The following AKAP13 variants were observed in gnomAD, a reference collection of about 807,000 sequenced individuals.
The protein encoded by AKAP13 is A-kinase anchor protein 13.
Under a neutral mutation model 264.5 loss-of-function variants are expected in AKAP13, and 80 were observed. That is an observed-to-expected ratio of 0.30 (90% CI 0.25 to 0.36). AKAP13 has a LOEUF of 0.36. Among genes scored for constraint, AKAP13 ranks in the 10% least tolerant of loss-of-function variants. The pLI is 1.00. For missense variants in AKAP13, 3,712 were observed against 3,435.2 expected, an observed-to-expected ratio of 1.08 and a Z score of -2.01; for synonymous variants, 1,380 against 1,250.2, an observed-to-expected ratio of 1.10 and a Z score of -2.19.
intron 8 of AKAP13, among the ~76,000 whole-genome samples, chr15:85,622,098 A>G (rs1159096943): frequency 2.6e-5 from 4 of 152,232 alleles, no homozygotes; most frequent in African/African-American, 9.6e-5. Context: ...AAAGAAACCT[A>G]AGTACCTATC....
At chr15:85,613,691 A>AATATAT (rs751538813) in intron 8 of AKAP13, among the ~76,000 whole-genome samples, 3 of 91,968 alleles carry the variant, frequency 3.3e-5, no homozygotes, top group African/African-American at 4.6e-5. Context: ...AAAAAAAAAA[A>AATATAT]ATATATATAT....
chr15:85,391,325 GATA>G (rs369481956), intron 1 of AKAP13, among the ~76,000 whole-genome samples: 26 of 152,310 alleles, frequency 1.7e-4, no homozygotes, highest in African/African-American at 4.8e-4. Flanking sequence ...ATAGTGGAAA[GATA>G]ATGACGTTTT....
At chr15:85,413,728 A>C (rs2072096737) in intron 1 of AKAP13, among the ~76,000 whole-genome samples, 1 of 152,080 alleles carries the variant, frequency 6.6e-6, no homozygotes, top group Admixed American at 6.6e-5. Context: ...CCTTGTTAGG[A>C]TTCTTAGCAC....
At chr15:85,701,303 C>T (rs1000145793) in intron 17 of AKAP13, 2 of 152,030 alleles carry the variant, frequency 1.3e-5, no homozygotes, top group African/African-American at 4.8e-5. Flanking sequence ...TCGGTGGGGA[C>T]AGGGGTCATA....
chr15:85,672,593 C>G (rs1405856385), intron 14 of AKAP13, among the ~76,000 whole-genome samples: 1 of 152,070 alleles, frequency 6.6e-6, no homozygotes, highest in Non-Finnish European at 1.5e-5. Context: ...AAATAAAATC[C>G]TCAGTGATTT....
At chr15:85,592,779 C>A (rs1567144757) in intron 8 of AKAP13, among the ~76,000 whole-genome samples, 1 of 152,002 alleles carries the variant, frequency 6.6e-6, no homozygotes, top group Non-Finnish European at 1.5e-5. Flanking sequence ...ATTTTTAATA[C>A]AATTGTGGAA....
At chr15:85,706,337 A>C (rs2086254779) in intron 17 of AKAP13, among the ~76,000 whole-genome samples, 2 of 152,244 alleles carry the variant, frequency 1.3e-5, no homozygotes, top group South Asian at 4.1e-4. Flanking sequence ...GGCTTACTAG[A>C]AAATAAATAA....
At chr15:85,606,574 T>C (rs1294734479) in intron 8 of AKAP13, among the ~76,000 whole-genome samples, 1 of 152,242 alleles carries the variant, frequency 6.6e-6, no homozygotes, top group Non-Finnish European at 1.5e-5. Context: ...TGATAATTGA[T>C]GGATGAGTGC....
chr15:85,475,535 T>G (rs751658011), intron 1 of AKAP13, among the ~76,000 whole-genome samples: 1 of 152,214 alleles, frequency 6.6e-6, no homozygotes, highest in African/African-American at 2.4e-5. Context: ...AACCATCATG[T>G]GGGATCCTAA....
chr15:85,533,264 A>G (rs2077296928), intron 3 of AKAP13, among the ~76,000 whole-genome samples: 1 of 152,192 alleles, frequency 6.6e-6, no homozygotes, highest in Non-Finnish European at 1.5e-5. Flanking sequence ...TTCATTCTTA[A>G]ATATGTTCAA....
At chr15:85,712,498 T>A (rs2086682886) in intron 19 of AKAP13, among the ~76,000 whole-genome samples, 1 of 152,202 alleles carries the variant, frequency 6.6e-6, no homozygotes, top group Non-Finnish European at 1.5e-5. Flanking sequence ...AACAAATGCC[T>A]ATTATGTGCA....
At chr15:85,664,410 A>G (rs1202171769) in intron 12 of AKAP13, among the ~76,000 whole-genome samples, 153 bp from the exon 13 acceptor site, 1 of 152,210 alleles carries the variant, frequency 6.6e-6, no homozygotes, top group African/African-American at 2.4e-5. Flanking sequence ...AAAGGTAGGT[A>G]GTATTCTTTG....
chr15:85,629,814 G>T, intron 8 of AKAP13, among the ~76,000 whole-genome samples: 1 of 105,928 alleles, frequency 9.4e-6, no homozygotes, highest in African/African-American at 3.6e-5. Flanking sequence ...GTGTCTGGCT[G>T]TGTCACCCAG....
At position 85,727,750 on chromosome 15, in the gene AKAP13, T is replaced by A. The variant is rs894958666; in HGVS notation, c.7087+287T>A. ...CAAACCTCATGACATTCTCTGTACT[T>A]TGTCACAGGCGAATTTGCCAAAATT... On this transcript the variant is annotated intron_variant, in intron 29 of 36. Coordinates refer to ENST00000394518, the MANE Select transcript of AKAP13 (RefSeq NM_007200.5). This position sits in a 1 kb window ranked among gnomAD's most constrained non-coding sequence, Gnocchi z 5.3. Among the ~76,000 whole-genome samples, 2 of 152,214 alleles carry A rather than the reference T, an allele frequency of 1.3e-5. No individual in the cohort carries two copies. The highest frequency in any genetic ancestry group is 2.9e-5 in the Non-Finnish European group (2 of 68,040).
chr15:85,737,212 G>A (rs139988776), intron 33 of AKAP13, among the ~76,000 whole-genome samples: 2,135 of 152,030 alleles, frequency 0.014, 55 homozygotes, highest in African/African-American at 0.049. Flanking sequence ...GAGCCACCGC[G>A]CCCAGCCATA....
At chr15:85,621,072 A>T (rs1041130296) in intron 8 of AKAP13, among the ~76,000 whole-genome samples, 10 of 152,234 alleles carry the variant, frequency 6.6e-5, no homozygotes, top group Non-Finnish European at 1.5e-4. Context: ...GGGTCATTTT[A>T]AGCAAAGTGG....
chr15:85,694,701 G>A (rs758770462), intron 17 of AKAP13, among the ~76,000 whole-genome samples: 1 of 152,174 alleles, frequency 6.6e-6, no homozygotes, highest in Admixed American at 6.5e-5. Context: ...GCATACCAGG[G>A]TAAATCAAGG....
At chr15:85,613,714 T>A (rs10431828) in intron 8 of AKAP13, among the ~76,000 whole-genome samples, 2,195 of 54,940 alleles carry the variant, frequency 0.04, 177 homozygotes, top group East Asian at 0.23. Context: ...ATATATATAT[T>A]AGGAGTGCTG....
chr15:85,422,167 C>T (rs934392255), intron 1 of AKAP13, among the ~76,000 whole-genome samples: 1 of 151,954 alleles, frequency 6.6e-6, no homozygotes, highest in Non-Finnish European at 1.5e-5. Context: ...GTATTTAGGA[C>T]CTTTAGAGAG....
Sources: allele counts gnomAD v4.1 joint callset (sites outside exome capture counted in the v4.1 genomes callset), GRCh38; gene constraint gnomAD v4.1.1; non-coding constraint Gnocchi (gnomAD v3.1); transcripts MANE v1.5; gene names NCBI Gene and HGNC (gene_info 2026-07-23, HGNC 2026-07-21).